Variants in TENM2 observed in about 807,000 individuals in gnomAD.
The protein encoded by TENM2 is teneurin transmembrane protein 2.
TENM2 carries 52 observed loss-of-function variants against 245.2 expected under a neutral mutation model. That is an observed-to-expected ratio of 0.21 (90% CI 0.17 to 0.27). The LOEUF (loss-of-function observed/expected upper bound fraction) is 0.27, where lower values mean the gene tolerates loss of function less well. Ranked by LOEUF, TENM2 falls within the 10% of genes least tolerant of loss-of-function variation. TENM2 has a pLI of 1.00. For synonymous variants in TENM2, 1,363 were observed against 1,438.9 expected (o/e 0.95, Z 1.19); for missense variants, 3,046 against 3,666.8 (o/e 0.83, Z 4.37).
intron 2 of TENM2, among the ~76,000 whole-genome samples, chr5:167,702,432 A>G (rs1311301334): frequency 1.3e-5 from 2 of 151,850 alleles, no homozygotes; most frequent in African/African-American, 4.8e-5. Flanking sequence ...ACTTGCTTAT[A>G]CACTGATGCT....
At chr5:167,882,507 C>G (rs1773960382) in intron 3 of TENM2, among the ~76,000 whole-genome samples, 1 of 152,102 alleles carries the variant, frequency 6.6e-6, no homozygotes, top group Non-Finnish European at 1.5e-5. Flanking sequence ...GAAGAAACAC[C>G]CGACACTGGG....
chr5:167,375,334 A>T (rs773769206), exon 2 of TENM2: 97 of 1,551,516 alleles, frequency 6.3e-5, no homozygotes, highest in Non-Finnish European at 1.6e-5. Context: ...ACACCGAGGG[A>T]GGGATGTCTC....
the TENM2 span, among the ~76,000 whole-genome samples, chr5:167,031,884 C>T: frequency 5.9e-5 from 9 of 152,164 alleles, no homozygotes; most frequent in South Asian, 1.5e-3. Context: ...TTTTAAAAGC[C>T]TTGAGAATTG....
chr5:167,766,098 T>C (rs1763000030), intron 2 of TENM2, among the ~76,000 whole-genome samples: 1 of 152,216 alleles, frequency 6.6e-6, no homozygotes, highest in South Asian at 2.1e-4. Flanking sequence ...TAGTGTTATG[T>C]GGACAAATTG....
chr5:167,339,618 T>G (rs1581782201), intron 1 of TENM2, among the ~76,000 whole-genome samples: 1 of 152,148 alleles, frequency 6.6e-6, no homozygotes, highest in Admixed American at 6.6e-5. Context: ...TTTTTTTATT[T>G]TTTGCATTTT....
chr5:167,329,478 G>A (rs1757300784), intron 1 of TENM2, among the ~76,000 whole-genome samples: 1 of 147,868 alleles, frequency 6.8e-6, no homozygotes, highest in South Asian at 2.2e-4. Context: ...TATGAACCCA[G>A]GAGGTGGAAC....
intron 2 of TENM2, among the ~76,000 whole-genome samples, chr5:167,639,311 T>C (rs1307818425): frequency 6.6e-6 from 1 of 152,208 alleles, no homozygotes; most frequent in African/African-American, 2.4e-5. Flanking sequence ...ATTTTTGGAA[T>C]AGGATTTTAT....
intron 2 of TENM2, among the ~76,000 whole-genome samples, chr5:167,460,185 C>T (rs1225805835): frequency 6.6e-6 from 1 of 152,122 alleles, no homozygotes; most frequent in African/African-American, 2.4e-5. Context: ...CCACATCTAG[C>T]CTGAAATTTT....
At chr5:167,672,238 A>T (rs1018219024) in intron 2 of TENM2, among the ~76,000 whole-genome samples, 5 of 152,074 alleles carry the variant, frequency 3.3e-5, no homozygotes, top group African/African-American at 1.2e-4. Context: ...AGAGTATCAT[A>T]AATGTCTGAT....
At chr5:167,619,228 G>GTCATCATCA (rs1777997879) in intron 2 of TENM2, among the ~76,000 whole-genome samples, 1 of 152,050 alleles carries the variant, frequency 6.6e-6, no homozygotes, top group Admixed American at 6.6e-5. Context: ...TCAATATTGT[G>GTCATCATCA]TCATCAGTAA....
chr5:167,841,806 C>T (rs1024333061), intron 2 of TENM2, among the ~76,000 whole-genome samples: 3 of 152,092 alleles, frequency 2.0e-5, no homozygotes, highest in Non-Finnish European at 4.4e-5. Context: ...TTTTCCCTTT[C>T]GTCCCCTTTA....
intron 9 of TENM2, among the ~76,000 whole-genome samples, chr5:168,108,794 C>T (rs757476646): frequency 1.3e-5 from 2 of 152,092 alleles, no homozygotes; most frequent in Non-Finnish European, 2.9e-5. Flanking sequence ...CTCTGAGCCC[C>T]CTCTGGCTCT....
intron 2 of TENM2, among the ~76,000 whole-genome samples, chr5:167,701,528 T>C (rs552059028): frequency 6.6e-6 from 1 of 152,268 alleles, no homozygotes; most frequent in East Asian, 1.9e-4. Flanking sequence ...TCGTGACATG[T>C]AATATTTGAG....
intron 3 of TENM2, among the ~76,000 whole-genome samples, chr5:167,902,086 T>C (rs766022299): frequency 7.9e-5 from 12 of 152,144 alleles, no homozygotes; most frequent in Non-Finnish European, 1.2e-4. Context: ...TGAGGCCATC[T>C]TGGGTTAGGC....
At chr5:168,261,568 C>T (rs550190586) in intron 28 of TENM2, among the ~76,000 whole-genome samples, 2 of 152,288 alleles carry the variant, frequency 1.3e-5, no homozygotes, top group Non-Finnish European at 2.9e-5. Context: ...AATGAATATC[C>T]AAGTCATTGG....
At chr5:168,105,264 G>C (rs1562164145) in intron 9 of TENM2, among the ~76,000 whole-genome samples, 1 of 152,214 alleles carries the variant, frequency 6.6e-6, no homozygotes, top group South Asian at 2.1e-4. Context: ...GCAGAGGGCT[G>C]TGTAGGACCA....
chr5:167,677,587 C>A lies in TENM2; in HGVS notation c.503-198399C>A, dbSNP rs956338229. On this transcript the variant is annotated intron_variant, in intron 2 of 28. Transcript: ENST00000518659. ...TTTTTTATTTTTCAACTTTTATTCA[C>A]CACCCAAAAAGCATCATCATTTTGT... Among the ~76,000 whole-genome samples, 8 of 151,386 alleles carry A rather than the reference C, an allele frequency of 5.3e-5. 1 individual carries two copies. The highest frequency in any genetic ancestry group is 8.8e-5 in the Non-Finnish European group (6 of 67,826).
chr5:168,257,385 C>T (rs1767764578), intron 27 of TENM2, among the ~76,000 whole-genome samples: 1 of 152,100 alleles, frequency 6.6e-6, no homozygotes, highest in Admixed American at 6.5e-5. Flanking sequence ...TAGGGAAAAG[C>T]CCGCTGGGCA....
intron 2 of TENM2, among the ~76,000 whole-genome samples, chr5:167,859,460 G>A (rs1771479595): frequency 8.1e-6 from 1 of 123,706 alleles, no homozygotes; most frequent in Non-Finnish European, 1.7e-5. Context: ...CTACTGGGAA[G>A]TGAGGAGCCC....
Sources: allele counts gnomAD v4.1 joint callset (sites outside exome capture counted in the v4.1 genomes callset), GRCh38; gene constraint gnomAD v4.1.1; transcripts MANE v1.5; gene names NCBI Gene and HGNC (gene_info 2026-07-23, HGNC 2026-07-21).